The following PPM1L variants were observed in gnomAD, a reference collection of about 807,000 sequenced individuals.
PPM1L encodes the protein protein phosphatase 1L.
In PPM1L, 13 loss-of-function variants were observed where a neutral mutation model predicts 31.4. The observed-to-expected ratio is 0.41, with a 90% confidence interval of 0.27 to 0.66. The LOEUF (loss-of-function observed/expected upper bound fraction) is 0.66, where lower values mean the gene tolerates loss of function less well. PPM1L is among the 30% of genes least tolerant of loss of function. PPM1L has a pLI of 0.29. For synonymous variants in PPM1L, 184 were observed against 175.4 expected, an observed-to-expected ratio of 1.05 and a Z score of -0.39; for missense variants, 326 against 453.7, an observed-to-expected ratio of 0.72 and a Z score of 2.56.
At position 161,011,544 on chromosome 3, in the gene PPM1L, T is replaced by C. The variant is rs546886574; in HGVS notation, c.574+49634T>C. ...GGAACTTTAAAGTAGTTTTTTCCAA[T>C]TCTGTGAAGAAAGTCGTTGGTAGCT... is the stretch of plus-strand genomic sequence containing the variant. On this transcript the variant is annotated intron_variant, in intron 2 of 3. Transcript: ENST00000498165. 5.4e-3 allele frequency among the ~76,000 whole-genome samples: 822 copies of C among 151,784 alleles called. 22 individuals carry two copies. The highest frequency in any genetic ancestry group is 0.049 in the Admixed American group (738 of 15,206).
rs1294367669 is a variant in PPM1L at position 160,834,459 on chromosome 3, TTGTGTA to T, written c.399+77764_399+77769del. ...ATGTTTTACCAGTTTTTACATGCAT[TTGTGTA>T]TGTGTATGTGTGTGTGTGTGTGTGT... On this transcript the variant is annotated intron_variant, in intron 1 of 3. Transcript: ENST00000498165. Among the ~76,000 whole-genome samples the T allele has an allele frequency of 4.4e-3, 623 of 141,868 alleles. 6 individuals are homozygous for T. Among genetic ancestry groups the T allele is most frequent in the African/African-American group, 0.016 (572 of 36,620 alleles). The allele number at this position is 141,868 out of a possible 152,430, so 93.1% of individuals were successfully genotyped here. A position where few individuals can be genotyped will look rare whatever the true frequency, so the allele number is the denominator to read the frequency against.
intron 1 of PPM1L, among the ~76,000 whole-genome samples, chr3:160,804,893 C>G (rs1002761187): frequency 6.6e-6 from 1 of 152,224 alleles, no homozygotes; most frequent in Non-Finnish European, 1.5e-5. Context: ...CTGATCATCA[C>G]ATGTAAGGGA....
intron 1 of PPM1L, among the ~76,000 whole-genome samples, chr3:160,950,175 T>A (rs1715537115): frequency 6.6e-6 from 1 of 152,146 alleles, no homozygotes; most frequent in Non-Finnish European, 1.5e-5. Flanking sequence ...TCTCCTTGGG[T>A]GCCTTATTGC....
At chr3:160,846,768 T>C in intron 1 of PPM1L, among the ~76,000 whole-genome samples, 1 of 152,180 alleles carries the variant, frequency 6.6e-6, no homozygotes, top group East Asian at 1.9e-4. Context: ...CCTTTTAAAG[T>C]GTACAAGTTA....
intron 1 of PPM1L, among the ~76,000 whole-genome samples, chr3:160,843,426 T>TTATATATATATATA (rs55994031): frequency 0.01 from 480 of 47,194 alleles, no homozygotes; most frequent in Non-Finnish European, 0.014. Flanking sequence ...GGCAATTCTT[T>TTATATATATATATA]TATATATATA....
At chr3:160,956,542 C>G (rs1319406500) in intron 1 of PPM1L, among the ~76,000 whole-genome samples, 1 of 152,204 alleles carries the variant, frequency 6.6e-6, no homozygotes, top group Non-Finnish European at 1.5e-5. Context: ...CAAAGGGTCC[C>G]TAGAAGAATC....
intron 2 of PPM1L, among the ~76,000 whole-genome samples, chr3:160,973,764 G>GTTTTTTTTTTTTTTTTTTTT (rs75599237): frequency 1.6e-4 from 14 of 88,470 alleles, no homozygotes; most frequent in Non-Finnish European, 3.1e-4. Flanking sequence ...GAAAGGCCCT[G>GTTTTTTTTTTTTTTTTTTTT]TTTTTTTTTT....
At chr3:160,938,687 C>T (rs892442770) in intron 1 of PPM1L, among the ~76,000 whole-genome samples, 1 of 152,120 alleles carries the variant, frequency 6.6e-6, no homozygotes. Flanking sequence ...AATCCAATCC[C>T]TTTAGCCCAC....
At chr3:161,028,258 C>T (rs540536959) in intron 2 of PPM1L, among the ~76,000 whole-genome samples, 50 of 152,258 alleles carry the variant, frequency 3.3e-4, no homozygotes, top group Non-Finnish European at 6.5e-4. Flanking sequence ...ATGAATGAAA[C>T]GGCACGTGTA....
intron 2 of PPM1L, among the ~76,000 whole-genome samples, chr3:161,042,816 C>G (rs924892597): frequency 6.6e-6 from 1 of 151,798 alleles, no homozygotes; most frequent in South Asian, 2.1e-4. Context: ...GTCAGGAGTT[C>G]GAGACAAGCC....
At chr3:160,848,385 C>T (rs975935211) in intron 1 of PPM1L, among the ~76,000 whole-genome samples, 5 of 152,032 alleles carry the variant, frequency 3.3e-5, no homozygotes, top group African/African-American at 1.2e-4. Flanking sequence ...CTTTTTTTTC[C>T]CGTTGCTTTC....
At chr3:160,852,047 C>T (rs1056455505) in intron 1 of PPM1L, among the ~76,000 whole-genome samples, 4 of 152,124 alleles carry the variant, frequency 2.6e-5, no homozygotes, top group Non-Finnish European at 5.9e-5. Context: ...TGTAATTCAG[C>T]TTCAATCTTC....
chr3:161,003,513 G>C lies in PPM1L; in HGVS notation c.574+41603G>C, dbSNP rs1271904955. ...ATTTGTTTGTATCCTCTTTTATTTC[G>C]TTGAGCAGTGGTTTGTAGTTCTCCT... On this transcript the variant is annotated intron_variant, in intron 2 of 3. Transcript: ENST00000498165. 8.4e-4 allele frequency among the ~76,000 whole-genome samples: 127 copies of C among 150,728 alleles called. 1 individual carries two copies. The highest frequency in any genetic ancestry group is 2.0e-3 in the African/African-American group (81 of 40,956).
chr3:161,019,722 C>A (rs1338380739), intron 2 of PPM1L, among the ~76,000 whole-genome samples: 1 of 152,118 alleles, frequency 6.6e-6, no homozygotes, highest in Non-Finnish European at 1.5e-5. Context: ...TAGCTCAGGG[C>A]ATTTACTGCA....
intron 1 of PPM1L, among the ~76,000 whole-genome samples, chr3:160,926,580 T>C (rs1173088942): frequency 6.6e-6 from 1 of 152,144 alleles, no homozygotes; most frequent in Non-Finnish European, 1.5e-5. Flanking sequence ...TGTTCCAGGG[T>C]AACAAAAGTG....
At chr3:160,946,012 T>A (rs1280228555) in intron 1 of PPM1L, among the ~76,000 whole-genome samples, 3 of 152,192 alleles carry the variant, frequency 2.0e-5, no homozygotes, top group Non-Finnish European at 4.4e-5. Flanking sequence ...TTATTAGTAG[T>A]TACATTTTGG....
intron 1 of PPM1L, among the ~76,000 whole-genome samples, chr3:160,783,563 G>C (rs1252524596): frequency 6.8e-6 from 1 of 147,162 alleles, no homozygotes; most frequent in East Asian, 2.0e-4. Flanking sequence ...TCTCACCATT[G>C]CACTCCAGCC....
intron 1 of PPM1L, among the ~76,000 whole-genome samples, chr3:160,885,018 CA>C (rs1239355700): frequency 2.0e-5 from 3 of 152,070 alleles, no homozygotes; most frequent in African/African-American, 7.2e-5. Flanking sequence ...GGAGCTTTTT[CA>C]AAAGGCAAAT....
At chr3:160,959,556 G>A (rs975917934) in intron 1 of PPM1L, among the ~76,000 whole-genome samples, 3 of 152,204 alleles carry the variant, frequency 2.0e-5, no homozygotes, top group South Asian at 2.1e-4. Context: ...TTGTCTGTGC[G>A]TGGTTGCTCA....
Sources: gnomAD v4.1 joint callset for allele counts (sites outside exome capture counted in the v4.1 genomes callset) on GRCh38, gnomAD v4.1.1 for gene constraint, MANE v1.5 for transcripts, NCBI Gene and HGNC (gene_info 2026-07-23, HGNC 2026-07-21) for gene names.